Variants in KHDRBS3 observed in about 807,000 individuals in gnomAD.
KHDRBS3 encodes KH RNA binding domain containing, signal transduction associated 3, also known as KH domain-containing, RNA-binding, signal transduction-associated protein 3.
Under a neutral mutation model 45.6 loss-of-function variants are expected in KHDRBS3, and 23 were observed. That is an observed-to-expected ratio of 0.50 (90% CI 0.36 to 0.72). KHDRBS3 has a LOEUF of 0.72. Among genes scored for constraint, KHDRBS3 ranks in the 30% least tolerant of loss-of-function variants. KHDRBS3 has a pLI of 0.00. For synonymous variants in KHDRBS3, 162 were observed against 156.5 expected (o/e 1.04, Z -0.26); for missense variants, 352 against 424.8 (o/e 0.83, Z 1.51).
intron 1 of KHDRBS3, among the ~76,000 whole-genome samples, chr8:135,508,588 C>A (rs1824123262): frequency 6.6e-6 from 1 of 152,108 alleles, no homozygotes; most frequent in Admixed American, 6.5e-5. Context: ...TGTGATTTAA[C>A]CCATAGGTGT....
chr8:135,479,155 G>A (rs1238739459), intron 1 of KHDRBS3, among the ~76,000 whole-genome samples: 1 of 152,092 alleles, frequency 6.6e-6, no homozygotes, highest in Non-Finnish European at 1.5e-5. Flanking sequence ...CTGACCTGAT[G>A]GATACAGAAA....
intron 6 of KHDRBS3, among the ~76,000 whole-genome samples, 172 bp downstream of exon 6, chr8:135,582,245 TA>T (rs1258649879): frequency 1.3e-5 from 2 of 152,200 alleles, no homozygotes; most frequent in Non-Finnish European, 1.5e-5. Context: ...ACTAGAGGTA[TA>T]AAAATGGCCT....
intron 1 of KHDRBS3, among the ~76,000 whole-genome samples, chr8:135,490,691 G>A (rs1823103407): frequency 6.6e-6 from 1 of 152,138 alleles, no homozygotes; most frequent in South Asian, 2.1e-4. Flanking sequence ...TGTTTCTGAA[G>A]CCCCCATCTG....
At chr8:135,572,606 AG>A (rs1270156221) in intron 5 of KHDRBS3, among the ~76,000 whole-genome samples, 2 of 152,242 alleles carry the variant, frequency 1.3e-5, no homozygotes, top group Non-Finnish European at 2.9e-5. Context: ...GACCAGCAGC[AG>A]TGCTTGAGGG....
chr8:135,537,005 T>A (rs923242182), intron 2 of KHDRBS3, among the ~76,000 whole-genome samples: 1 of 112,842 alleles, frequency 8.9e-6, no homozygotes, highest in Non-Finnish European at 1.8e-5. Context: ...AAAGGAGATG[T>A]TTAGGAGGTA....
chr8:135,516,838 A>T (rs1266572765), intron 1 of KHDRBS3, among the ~76,000 whole-genome samples: 1 of 152,204 alleles, frequency 6.6e-6, no homozygotes, highest in Admixed American at 6.5e-5. Context: ...ATTTCTAGAA[A>T]TGAAGTTGCT....
In KHDRBS3 at chr8:135,613,662, C is replaced by T. The variant is rs761011162; in HGVS notation, c.890+6625C>T. Among the ~76,000 whole-genome samples, 7 of 151,628 alleles carry T rather than the reference C, an allele frequency of 4.6e-5. 1 individual carries two copies. Among genetic ancestry groups the T allele is most frequent in the African/African-American group, 1.7e-4 (7 of 41,012 alleles). Reference sequence around the variant, plus strand: ...TTCTGGGAAACCTGCAAGGACTGTGCGAGCAAATGTTTTATAGTGAGAGAG... The same window carrying T: ...TTCTGGGAAACCTGCAAGGACTGTGTGAGCAAATGTTTTATAGTGAGAGAG... On this transcript the variant is annotated intron_variant, in intron 7 of 8. Transcript: ENST00000355849.
At chr8:135,506,102 C>T (rs956165291) in intron 1 of KHDRBS3, among the ~76,000 whole-genome samples, 1 of 152,150 alleles carries the variant, frequency 6.6e-6, no homozygotes, top group Non-Finnish European at 1.5e-5. Context: ...TGAAAGATGA[C>T]TTCCACTTTT....
chr8:135,537,612 G>A (rs1825844402), intron 2 of KHDRBS3, among the ~76,000 whole-genome samples: 1 of 152,112 alleles, frequency 6.6e-6, no homozygotes, highest in Admixed American at 6.5e-5. Context: ...GTGGAAACAA[G>A]CAGTTCAGCT....
At chr8:135,514,678 G>A (rs937270308) in intron 1 of KHDRBS3, among the ~76,000 whole-genome samples, 2 of 152,156 alleles carry the variant, frequency 1.3e-5, no homozygotes, top group African/African-American at 2.4e-5. Context: ...AAAAATGGTT[G>A]ACTATAAATT....
intron 6 of KHDRBS3, among the ~76,000 whole-genome samples, chr8:135,583,071 C>G (rs994701938): frequency 2.6e-5 from 4 of 152,180 alleles, no homozygotes; most frequent in Admixed American, 1.3e-4. Context: ...ATTTGACTGT[C>G]TCCTTGTGTC....
intron 2 of KHDRBS3, among the ~76,000 whole-genome samples, chr8:135,530,498 A>C (rs1825419165): frequency 6.6e-6 from 1 of 152,246 alleles, no homozygotes. Context: ...ACTGATAATC[A>C]TGGTTACAGA....
chr8:135,527,220 C>G (rs1825236878), intron 2 of KHDRBS3, among the ~76,000 whole-genome samples: 1 of 152,064 alleles, frequency 6.6e-6, no homozygotes, highest in African/African-American at 2.4e-5. Context: ...AAAAAACTGC[C>G]AGTTTTTTTT....
At chr8:135,547,124 T>A (rs1826346862) in intron 3 of KHDRBS3, among the ~76,000 whole-genome samples, 1 of 152,274 alleles carries the variant, frequency 6.6e-6, no homozygotes, top group South Asian at 2.1e-4. Context: ...GATCAGATGG[T>A]TGAAATGTTC....
chr8:135,496,816 C>A (rs1394047408), intron 1 of KHDRBS3, among the ~76,000 whole-genome samples: 3 of 152,224 alleles, frequency 2.0e-5, no homozygotes, highest in Admixed American at 2.0e-4. Flanking sequence ...GCTGGGAACT[C>A]AGCTGGGAGC....
intron 5 of KHDRBS3, among the ~76,000 whole-genome samples, chr8:135,565,206 G>T (rs934765907): frequency 6.6e-6 from 1 of 152,122 alleles, no homozygotes; most frequent in Non-Finnish European, 1.5e-5. Context: ...TTAGCCTCTG[G>T]AATTTCTTAA....
intron 1 of KHDRBS3, among the ~76,000 whole-genome samples, chr8:135,498,321 G>A (rs1032389840): frequency 6.6e-6 from 1 of 152,114 alleles, no homozygotes. Flanking sequence ...TACTTCTCAC[G>A]AAGCAAGCCA....
intron 7 of KHDRBS3, among the ~76,000 whole-genome samples, chr8:135,635,247 G>A (rs929047545): frequency 3.3e-5 from 5 of 152,162 alleles, no homozygotes; most frequent in African/African-American, 1.2e-4. Context: ...TTCTTCTGAT[G>A]TGATATGTTG....
At chr8:135,547,058 A>G (rs1449427912) in intron 3 of KHDRBS3, among the ~76,000 whole-genome samples, 1 of 152,230 alleles carries the variant, frequency 6.6e-6, no homozygotes, top group Non-Finnish European at 1.5e-5. Flanking sequence ...GCTTTCAGGG[A>G]TGAATTGCTG....
Sources: gnomAD v4.1 joint callset for allele counts (sites outside exome capture counted in the v4.1 genomes callset) on GRCh38, gnomAD v4.1.1 for gene constraint, MANE v1.5 for transcripts, NCBI Gene and HGNC (gene_info 2026-07-23, HGNC 2026-07-21) for gene names.